Variants in ICOS observed in about 807,000 individuals in gnomAD.
ICOS encodes the protein inducible T-cell costimulator.
A neutral mutation model predicts 24.6 loss-of-function variants in ICOS; 15 were observed. That is an observed-to-expected ratio of 0.61 (90% CI 0.41 to 0.94). The LOEUF is 0.94. Ranked by LOEUF, ICOS falls within the 40% of genes least tolerant of loss-of-function variation. The pLI, the probability that ICOS is intolerant of heterozygous loss-of-function variation, is 0.00. For missense variants in ICOS, 200 were observed against 233.0 expected (o/e 0.86, Z 0.92); for synonymous variants, 89 against 77.5 (o/e 1.15, Z -0.78).
At chr2:203,947,003 C>A (rs1280726737) in intron 1 of ICOS, among the ~76,000 whole-genome samples, 2 of 152,190 alleles carry the variant, frequency 1.3e-5, no homozygotes, top group Non-Finnish European at 2.9e-5. Flanking sequence ...CAACCAGGAA[C>A]AATACAACTG....
At chr2:203,952,254 A>G (rs1302277430) in intron 1 of ICOS, among the ~76,000 whole-genome samples, 1 of 152,172 alleles carries the variant, frequency 6.6e-6, no homozygotes, top group Non-Finnish European at 1.5e-5. Flanking sequence ...TCTATTTTTT[A>G]GTAATTATGG....
intron 1 of ICOS, among the ~76,000 whole-genome samples, chr2:203,948,311 A>G (rs927126929): frequency 2.6e-5 from 4 of 152,120 alleles, no homozygotes; most frequent in Admixed American, 2.0e-4. Context: ...GCTATGAGCT[A>G]TGTAATCCTG....
chr2:203,955,686 G>A lies in ICOS; in HGVS notation c.109G>A (p.Gly37Ser), dbSNP rs539709751. Residue 37 changes from glycine to serine, a missense_variant, in exon 2 of 5, where the codon GGT (glycine) becomes AGT (serine). Gly to Ser is a moderately conservative substitution (Grantham distance 56). Coordinates refer to ENST00000316386, the MANE Select transcript of ICOS (RefSeq NM_012092.4). Reference sequence around the variant, plus strand: ...TGAGATGTTTATATTTCACAACGGAGGTGTACAAATTTTATGCAAATATCC... The same window carrying A: ...TGAGATGTTTATATTTCACAACGGAAGTGTACAAATTTTATGCAAATATCC... ...NYEMFIFHNGGVQILCKYPDI... is the reference protein window; with the variant it reads ...NYEMFIFHNGSVQILCKYPDI... 1.2e-6 allele frequency: 2 copies of A among 1,613,398 alleles called. No homozygotes were observed. The highest frequency in any genetic ancestry group is 2.2e-5 in the East Asian group (1 of 44,856).
intron 1 of ICOS, among the ~76,000 whole-genome samples, chr2:203,947,156 C>T (rs987170156): frequency 6.6e-6 from 1 of 152,240 alleles, no homozygotes; most frequent in Admixed American, 6.5e-5. Context: ...ACCTTTTCTT[C>T]AGAAATTTTC....
Position 203,957,888 on chromosome 2 carries a change from G to A in ICOS, c.586+5G>A. On this transcript the variant is annotated splice_donor_5th_base_variant and intron_variant, in intron 4 of 4. Transcript: ENST00000316386. Reference sequence around the variant, plus strand: ...CCAAAAAATCTAGACTCACAGGTATGACTCCATTTGGGGGTTTGGGAAGGG... The same window carrying A: ...CCAAAAAATCTAGACTCACAGGTATAACTCCATTTGGGGGTTTGGGAAGGG... 6.4e-7 allele frequency: 1 copy of A among 1,573,580 alleles called. No individual in the cohort carries two copies. Among genetic ancestry groups the A allele is most frequent in the East Asian group, 2.2e-5 (1 of 44,626 alleles).
At chr2:203,958,251 G>A (rs74981460) in intron 4 of ICOS, among the ~76,000 whole-genome samples, 1,633 of 152,278 alleles carry the variant, frequency 0.011, 29 homozygotes, top group African/African-American at 0.037. Context: ...AGTTAAGTGT[G>A]AGTTACTGAG....
rs1689658965 is a variant in ICOS, at chr2:203,936,814, C to A, written c.-1C>A. On this transcript the variant is annotated 5_prime_UTR_variant, in exon 1 of 5. Transcript: ENST00000316386. ...AGGACTGTTAACTGTTTCTGGCAAA[C>A]ATGAAGTCAGGCCTCTGGTATTTCT... 1 of 1,612,630 alleles carries A rather than the reference C, an allele frequency of 6.2e-7. No individual in the cohort carries two copies. The highest frequency in any genetic ancestry group is 8.5e-7 in the Non-Finnish European group (1 of 1,178,760).
At chr2:203,943,676 A>T (rs1456416109) in intron 1 of ICOS, among the ~76,000 whole-genome samples, 1 of 152,060 alleles carries the variant, frequency 6.6e-6, no homozygotes, top group Non-Finnish European at 1.5e-5. Context: ...CAGCTGTAAT[A>T]GTATAGAGAG....
At chr2:203,943,682 G>A (rs1417843093) in intron 1 of ICOS, among the ~76,000 whole-genome samples, 1 of 152,180 alleles carries the variant, frequency 6.6e-6, no homozygotes, top group Non-Finnish European at 1.5e-5. Context: ...TAATAGTATA[G>A]AGAGGGTCTG....
rs563168724 is a variant in ICOS at position 203,945,575 on chromosome 2, C to A, written c.58+8703C>A. Among the ~76,000 whole-genome samples the A allele has an allele frequency of 1.3e-4, 20 of 152,234 alleles. No homozygotes were observed. In the East Asian group the frequency reaches 3.7e-3, roughly 28 times the overall value. ...GGCAGAGCCTACTGCACTACCTAGGCTATGTGGAGTAGCCTATTGCTTCTA... is the reference window on the plus strand; with the variant it reads ...GGCAGAGCCTACTGCACTACCTAGGATATGTGGAGTAGCCTATTGCTTCTA... On this transcript the variant is annotated intron_variant, in intron 1 of 4. Transcript: ENST00000316386.
At chr2:203,952,837 GA>G (rs1471174622) in intron 1 of ICOS, among the ~76,000 whole-genome samples, 1 of 152,066 alleles carries the variant, frequency 6.6e-6, no homozygotes, top group Non-Finnish European at 1.5e-5. Flanking sequence ...TATAAATCAT[GA>G]GTTTGTTTTT....
chr2:203,952,056 A>C (rs1689987115), intron 1 of ICOS, among the ~76,000 whole-genome samples: 1 of 152,216 alleles, frequency 6.6e-6, no homozygotes, highest in Non-Finnish European at 1.5e-5. Context: ...ACATATAGAA[A>C]AGTGAAAAAA....
chr2:203,953,046 T>G (rs1033180333), intron 1 of ICOS, among the ~76,000 whole-genome samples: 1 of 152,112 alleles, frequency 6.6e-6, no homozygotes, highest in African/African-American at 2.4e-5. Flanking sequence ...TTAAAGAAAA[T>G]TCAAGGATTG....
rs140049646 is a variant in ICOS, at chr2:203,936,881, T to G, written c.58+9T>G. On this transcript the variant is annotated intron_variant, in intron 1 of 4. Coordinates refer to ENST00000316386, the MANE Select transcript of ICOS (RefSeq NM_012092.4). ...CATTAAAGTTTTAACAGGTAAGTGG[T>G]GTATTGAATATTTCTTATTAAGTTA... 1,011 of 1,562,618 alleles carry G rather than the reference T, an allele frequency of 6.5e-4. 7 individuals are homozygous for G. The African/African-American group carries it at 0.012, about 18-fold the overall frequency.
At chr2:203,951,648 A>G (rs933528357) in intron 1 of ICOS, among the ~76,000 whole-genome samples, 4 of 152,196 alleles carry the variant, frequency 2.6e-5, no homozygotes, top group Non-Finnish European at 5.9e-5. Context: ...GAAGTAGAAG[A>G]CAATGCGTCT....
intron 1 of ICOS, among the ~76,000 whole-genome samples, chr2:203,948,740 A>T (rs1689916292): frequency 6.6e-6 from 1 of 152,244 alleles, no homozygotes; most frequent in African/African-American, 2.4e-5. Flanking sequence ...TATTCTTTAG[A>T]TTGGGTGGCC....
At chr2:203,952,156 T>A (rs1040891211) in intron 1 of ICOS, among the ~76,000 whole-genome samples, 1 of 139,572 alleles carries the variant, frequency 7.2e-6, no homozygotes, top group African/African-American at 3.0e-5. Context: ...AGCACCCCTA[T>A]TTCCTTCTGA....
intron 4 of ICOS, among the ~76,000 whole-genome samples, chr2:203,958,376 G>C (rs879617563): frequency 6.6e-6 from 1 of 152,200 alleles, no homozygotes; most frequent in Non-Finnish European, 1.5e-5. Context: ...AAGATATCTG[G>C]TTATTTTGAG....
At position 203,956,867 on chromosome 2, in the gene ICOS, A is replaced by G. The variant is rs73056001; in HGVS notation, c.501+102A>G. 7.1e-4 allele frequency: 561 copies of G among 794,880 alleles called. 1 individual carries two copies. Among genetic ancestry groups the G allele is most frequent in the African/African-American group, 2.2e-3 (129 of 59,082 alleles). 49.2% of individuals were successfully genotyped at this position (794,880 alleles called of 1,614,324 possible). A position where few individuals can be genotyped will look rare whatever the true frequency, so the allele number is the denominator to read the frequency against. ...TGGCTCTTGTCAGAGTAATTTGACC[A>G]ACAGGGAGACAATTCCTTCCCCCCA... On this transcript the variant is annotated intron_variant, in intron 3 of 4. Coordinates refer to ENST00000316386, the MANE Select transcript of ICOS (RefSeq NM_012092.4).
Sources: allele counts gnomAD v4.1 joint callset (sites outside exome capture counted in the v4.1 genomes callset), GRCh38; gene constraint gnomAD v4.1.1; transcripts MANE v1.5; gene names NCBI Gene and HGNC (gene_info 2026-07-23, HGNC 2026-07-21).